LINGO1: variants seen among roughly 807,000 people sequenced by gnomAD.
LINGO1 encodes leucine rich repeat and Ig domain containing 1, also known as leucine-rich repeat and immunoglobulin-like domain-containing nogo receptor-interacting protein 1.
In LINGO1, 11 loss-of-function variants were observed where a neutral mutation model predicts 37.3. The observed-to-expected ratio is 0.29, with a 90% CI of 0.19 to 0.49. LINGO1 has a LOEUF of 0.49. Ranked by LOEUF, LINGO1 falls within the 20% of genes least tolerant of loss-of-function variation. The probability of loss-of-function intolerance (pLI) is 0.99; values close to 1 mark genes in which losing one functional copy is unlikely to be tolerated. For missense variants in LINGO1, 585 were observed against 878.2 expected (o/e 0.67, Z 4.22); for synonymous variants, 387 against 403.0 (o/e 0.96, Z 0.48).
Position 77,751,262 on chromosome 15 carries a change from A to G in LINGO1, c.-256-16209T>C, listed in dbSNP as rs116668609. Among the ~76,000 whole-genome samples, 528 of 152,298 alleles carry G rather than the reference A, an allele frequency of 3.5e-3. 6 individuals are homozygous for G. The highest frequency in any genetic ancestry group is 0.012 in the African/African-American group (500 of 41,566). ...GGAGTCAATCCAACCCTGTCTACCA[A>G]AAGTAAGGGAATGATCCTTGCAGGG... On this transcript the variant is annotated intron_variant, in intron 1 of 3. Coordinates refer to the LINGO1 transcript ENST00000561686.
At chr15:77,777,414 A>G (rs2076669176) in intron 1 of LINGO1, among the ~76,000 whole-genome samples, 1 of 139,216 alleles carries the variant, frequency 7.2e-6, no homozygotes, top group Admixed American at 7.2e-5. Context: ...GGACACACAC[A>G]CACAACTGGG....
chr15:77,776,545 G>GGAGA (rs1555541402), intron 1 of LINGO1, among the ~76,000 whole-genome samples: 1 of 148,546 alleles, frequency 6.7e-6, no homozygotes, highest in Non-Finnish European at 1.5e-5. Context: ...AGGGAGGGAG[G>GGAGA]GAGGGAGGGA....
chr15:77,762,133 G>C (rs768058557), intron 1 of LINGO1, among the ~76,000 whole-genome samples: 3 of 152,236 alleles, frequency 2.0e-5, no homozygotes, highest in African/African-American at 4.8e-5. Flanking sequence ...GGGTGAAAGA[G>C]AACAAGGAGA....
intron 1 of LINGO1, among the ~76,000 whole-genome samples, chr15:77,786,114 A>C (rs1012786745): frequency 1.3e-5 from 2 of 152,152 alleles, no homozygotes; most frequent in Non-Finnish European, 2.9e-5. Context: ...GACAGGAACC[A>C]GCACCACCAA....
rs777833274 is a variant in LINGO1 at position 77,794,277 on chromosome 15, CAT to C, written c.-343+1660_-343+1661del. ...GCCAACTAATTAGCAGAAACATATACATATATATATATGTATGTATATATATA... is the reference window on the plus strand; with the variant it reads ...GCCAACTAATTAGCAGAAACATATACATATATATATGTATGTATATATATA... On this transcript the variant is annotated intron_variant, in intron 2 of 5. Coordinates refer to the LINGO1 transcript ENST00000562933. 1.3e-4 allele frequency among the ~76,000 whole-genome samples: 14 copies of C among 105,800 alleles called. No individual in the cohort carries two copies. The South Asian group carries it at 1.6e-3, about 12-fold the overall frequency. 69.4% of individuals were successfully genotyped at this position (105,800 alleles called of 152,430 possible).
chr15:77,644,885 GA>G (rs1213046243), intron 3 of LINGO1, among the ~76,000 whole-genome samples: 1 of 152,154 alleles, frequency 6.6e-6, no homozygotes, highest in African/African-American at 2.4e-5. Flanking sequence ...TCCTCTATGG[GA>G]TAAACAATGT....
chr15:77,706,970 T>C (rs956190755), intron 2 of LINGO1, among the ~76,000 whole-genome samples: 1 of 152,222 alleles, frequency 6.6e-6, no homozygotes. Flanking sequence ...CCGTGGGCAA[T>C]GCCCATGGCT....
intron 3 of LINGO1, among the ~76,000 whole-genome samples, chr15:77,654,761 T>C (rs1237357421): frequency 6.6e-6 from 1 of 152,214 alleles, no homozygotes; most frequent in Non-Finnish European, 1.5e-5. Context: ...TGTCCTTTTC[T>C]GAGCCTCAGT....
upstream of LINGO1, chr15:77,820,391 G>T (rs74481055): frequency 1.5e-3 from 229 of 152,728 alleles, 4 homozygotes; most frequent in East Asian, 0.039. Flanking sequence ...CCTCGGGGCT[G>T]GAGGTGAGTC....
upstream of LINGO1, chr15:77,787,153 C>A (rs1224065489): frequency 6.6e-6 from 1 of 152,266 alleles, no homozygotes; most frequent in South Asian, 2.1e-4. Context: ...AACAAAACCA[C>A]CCCTGTGAGA....
chr15:77,732,311 C>T (rs762704979), intron 2 of LINGO1, among the ~76,000 whole-genome samples: 1 of 152,206 alleles, frequency 6.6e-6, no homozygotes, highest in African/African-American at 2.4e-5. Flanking sequence ...CCAACAGCAG[C>T]GTTTGCAGCA....
intron 1 of LINGO1, among the ~76,000 whole-genome samples, chr15:77,811,147 G>A (rs1004973363): frequency 3.3e-5 from 4 of 120,294 alleles, no homozygotes; most frequent in African/African-American, 1.2e-4. Context: ...CCACCTTCCC[G>A]GTTGCTCCCA....
intron 2 of LINGO1, among the ~76,000 whole-genome samples, chr15:77,794,094 G>A (rs1005631156): frequency 7.2e-5 from 11 of 151,980 alleles, no homozygotes; most frequent in South Asian, 4.2e-4. Context: ...GGGTGCTGCC[G>A]TCTGCCTGGG....
At chr15:77,641,074 G>A (rs1215374952) in intron 3 of LINGO1, among the ~76,000 whole-genome samples, 1 of 152,212 alleles carries the variant, frequency 6.6e-6, no homozygotes, top group Non-Finnish European at 1.5e-5. Flanking sequence ...GGAAGGTAGA[G>A]GCTGGTGCTC....
intron 3 of LINGO1, among the ~76,000 whole-genome samples, chr15:77,664,166 T>TGTGTGC (rs761070827): frequency 2.4e-5 from 3 of 122,968 alleles, no homozygotes; most frequent in Non-Finnish European, 4.8e-5. Flanking sequence ...TGTGTGTGTG[T>TGTGTGC]GTGTGCGCGC....
chr15:77,769,376 C>A (rs983809754), intron 1 of LINGO1, among the ~76,000 whole-genome samples: 1 of 152,200 alleles, frequency 6.6e-6, no homozygotes, highest in Admixed American at 6.5e-5. Flanking sequence ...TCAAGTCCTG[C>A]CAAGGTCCCC....
intron 1 of LINGO1, among the ~76,000 whole-genome samples, chr15:77,810,365 G>C (rs2076996190): frequency 7.2e-6 from 1 of 138,094 alleles, no homozygotes; most frequent in Non-Finnish European, 1.6e-5. Flanking sequence ...CACACACAGA[G>C]GAATCTAGGG....
At chr15:77,801,564 GA>G (rs1284107681) in intron 1 of LINGO1, among the ~76,000 whole-genome samples, 1 of 148,492 alleles carries the variant, frequency 6.7e-6, no homozygotes, top group East Asian at 2.0e-4. Context: ...GTTGTAATCA[GA>G]AAAACAAAAT....
At chr15:77,720,026 C>A (rs1037454338) in intron 2 of LINGO1, among the ~76,000 whole-genome samples, 5 of 150,124 alleles carry the variant, frequency 3.3e-5, no homozygotes, top group Non-Finnish European at 5.9e-5. Context: ...CTCAGTCTCC[C>A]TGGCAGTGAA....
Sources: gnomAD v4.1 joint callset for allele counts (sites outside exome capture counted in the v4.1 genomes callset) on GRCh38, gnomAD v4.1.1 for gene constraint, MANE v1.5 for transcripts, NCBI Gene and HGNC (gene_info 2026-07-23, HGNC 2026-07-21) for gene names.